Variants in NEO1 observed in about 807,000 individuals in gnomAD.
The protein encoded by NEO1 is neogenin.
Under a neutral mutation model 159.7 loss-of-function variants are expected in NEO1, and 63 were observed. The observed-to-expected ratio is 0.39, with a 90% confidence interval of 0.32 to 0.49. The LOEUF is 0.49. Ranked by LOEUF, NEO1 falls within the 20% of genes least tolerant of loss-of-function variation. NEO1 has a pLI of 0.85. For missense variants in NEO1, 1,615 were observed against 1,831.0 expected (o/e 0.88, Z 2.15); for synonymous variants, 633 against 662.0 (o/e 0.96, Z 0.67).
intron 7 of NEO1, among the ~76,000 whole-genome samples, chr15:73,210,944 A>G (rs1195374434): frequency 6.6e-6 from 1 of 152,214 alleles, no homozygotes; most frequent in Non-Finnish European, 1.5e-5. Context: ...TTGAAGAAGC[A>G]TTTATTGAAT....
chr15:73,246,852 T>G (rs1050806657), intron 9 of NEO1, among the ~76,000 whole-genome samples: 1 of 152,180 alleles, frequency 6.6e-6, no homozygotes, highest in Non-Finnish European at 1.5e-5. Flanking sequence ...CGAGGGTCAT[T>G]GTCAAATTTA....
At chr15:73,230,456 A>G (rs1301433977) in intron 7 of NEO1, among the ~76,000 whole-genome samples, 1 of 152,130 alleles carries the variant, frequency 6.6e-6, no homozygotes, top group Non-Finnish European at 1.5e-5. Context: ...CTAGTCTTCT[A>G]CCTGAGATAG....
chr15:73,092,528 T>C (rs932666406), intron 1 of NEO1, among the ~76,000 whole-genome samples: 6 of 152,198 alleles, frequency 3.9e-5, no homozygotes, highest in African/African-American at 1.2e-4. Flanking sequence ...TAAATTGATA[T>C]TGAATGTAGT....
chr15:73,063,070 C>G (rs1417599664), intron 1 of NEO1, among the ~76,000 whole-genome samples: 1 of 152,208 alleles, frequency 6.6e-6, no homozygotes, highest in Non-Finnish European at 1.5e-5. Flanking sequence ...CAAGATACCA[C>G]TAGACCTAGA....
intron 7 of NEO1, among the ~76,000 whole-genome samples, chr15:73,185,097 T>TAAAGGCAAAAC (rs2035845718): frequency 6.6e-6 from 1 of 151,646 alleles, no homozygotes; most frequent in African/African-American, 2.4e-5. Context: ...AACTATGGAG[T>TAAAGGCAAAAC]TAGTAAAAAA....
At chr15:73,110,648 T>C (rs1159235890) in intron 1 of NEO1, among the ~76,000 whole-genome samples, 4 of 152,158 alleles carry the variant, frequency 2.6e-5, no homozygotes, top group Admixed American at 2.0e-4. Flanking sequence ...GAATAGTCTA[T>C]CAAGAAGTGA....
intron 7 of NEO1, among the ~76,000 whole-genome samples, chr15:73,191,565 A>G (rs889234862): frequency 2.0e-5 from 3 of 147,108 alleles, no homozygotes; most frequent in Non-Finnish European, 4.6e-5. Context: ...TGAGAATTCA[A>G]TAGTCAGCAT....
At position 73,236,146 on chromosome 15, in the gene NEO1, G is replaced by A. The variant is rs911770636; in HGVS notation, c.1292-201G>A. Reference sequence around the variant, plus strand: ...CTGCATGTTAGCCTTCAGTTTAATGGCCTTTTTTATGTTCATTCATTTTAT... The same window carrying A: ...CTGCATGTTAGCCTTCAGTTTAATGACCTTTTTTATGTTCATTCATTTTAT... On this transcript the variant is annotated intron_variant, in intron 7 of 28. Transcript: ENST00000261908. 2.3e-5 allele frequency: 16 copies of A among 691,364 alleles called. No homozygotes were observed. The African/African-American group carries it at 2.9e-4, about 12-fold the overall frequency. The allele number at this position is 691,364 out of a possible 1,614,324, so 42.8% of individuals were successfully genotyped here.
At chr15:73,083,408 AC>A (rs994778795) in intron 1 of NEO1, among the ~76,000 whole-genome samples, 2 of 152,128 alleles carry the variant, frequency 1.3e-5, no homozygotes, top group African/African-American at 4.8e-5. Context: ...TGGCATTCAT[AC>A]ATTCAATAAA....
At chr15:73,257,285 A>G (rs957923960) in intron 13 of NEO1, among the ~76,000 whole-genome samples, 4 of 149,784 alleles carry the variant, frequency 2.7e-5, no homozygotes, top group Admixed American at 1.3e-4. Context: ...AAAAAAGAGT[A>G]TAGTCCTTGC....
chr15:73,120,485 A>C (rs1474308565), intron 2 of NEO1, among the ~76,000 whole-genome samples: 2 of 151,796 alleles, frequency 1.3e-5, no homozygotes, highest in Non-Finnish European at 2.9e-5. Context: ...AAACTAGAAA[A>C]CCTGTAATCA....
intron 8 of NEO1, among the ~76,000 whole-genome samples, chr15:73,240,325 T>C (rs1472539762): frequency 6.6e-6 from 1 of 152,126 alleles, no homozygotes; most frequent in Non-Finnish European, 1.5e-5. Context: ...AATTTGTAGT[T>C]GGAAGAGATA....
intron 5 of NEO1, among the ~76,000 whole-genome samples, chr15:73,164,952 G>A (rs1023030170): frequency 6.6e-6 from 1 of 152,040 alleles, no homozygotes; most frequent in Non-Finnish European, 1.5e-5. Flanking sequence ...TTTAGAGATG[G>A]GGGTCTTGCT....
chr15:73,066,808 C>T (rs1184212902), intron 1 of NEO1, among the ~76,000 whole-genome samples: 1 of 152,208 alleles, frequency 6.6e-6, no homozygotes, highest in Non-Finnish European at 1.5e-5. Flanking sequence ...AAGCTATGCT[C>T]ATCTCAGCCT....
chr15:73,208,480 T>TA (rs1178340708), intron 7 of NEO1, among the ~76,000 whole-genome samples: 1 of 152,200 alleles, frequency 6.6e-6, no homozygotes, highest in Non-Finnish European at 1.5e-5. Flanking sequence ...TTATTTTTTT[T>TA]AAAAACTGTT....
Position 73,293,187 on chromosome 15 carries a change from A to G in NEO1, c.3743-203A>G, listed in dbSNP as rs146189344. The stretch of plus-strand genomic sequence containing the variant: ...TTTTTTTCTATATATATGTAGACAT[A>G]TGCAAAAGAGTATCTTCATTTTTAA... On this transcript the variant is annotated intron_variant, in intron 25 of 28. Coordinates refer to ENST00000261908, the MANE Select transcript of NEO1 (RefSeq NM_002499.4). Among the ~76,000 whole-genome samples the G allele has an allele frequency of 9.2e-5, 14 of 152,356 alleles. No individual in the cohort carries two copies. In the East Asian group the frequency reaches 2.3e-3, roughly 25 times the overall value.
At chr15:73,152,847 A>G (rs532967279) in intron 5 of NEO1, among the ~76,000 whole-genome samples, 1 of 152,074 alleles carries the variant, frequency 6.6e-6, no homozygotes, top group African/African-American at 2.4e-5. Flanking sequence ...TGTGTTGATG[A>G]TTGTGGTGGT....
intron 11 of NEO1, among the ~76,000 whole-genome samples, chr15:73,251,814 A>G (rs546155781): frequency 3.9e-4 from 60 of 152,300 alleles, no homozygotes; most frequent in Non-Finnish European, 7.1e-4. Flanking sequence ...TATCTTGGAC[A>G]AGTTAACTTC....
In NEO1 at chr15:73,131,899, A is replaced by G. The variant is rs140028480; in HGVS notation, c.879-3992A>G. ...AACCACTGTGATCCTTTCTGCCACA[A>G]TTAATTTGCATGTGCTAGTCTATCT... On this transcript the variant is annotated intron_variant, in intron 4 of 28. Transcript: ENST00000261908. Among the ~76,000 whole-genome samples the G allele has an allele frequency of 7.1e-3, 1,085 of 152,344 alleles. 7 individuals carry two copies. Among genetic ancestry groups the G allele is most frequent in the Non-Finnish European group, 0.011 (768 of 68,030 alleles).
Sources: gnomAD v4.1 joint callset for allele counts (sites outside exome capture counted in the v4.1 genomes callset) on GRCh38, gnomAD v4.1.1 for gene constraint, MANE v1.5 for transcripts, NCBI Gene and HGNC (gene_info 2026-07-23, HGNC 2026-07-21) for gene names.